The following SLC36A1 variants were observed in gnomAD, a reference collection of about 807,000 sequenced individuals.
SLC36A1 encodes the protein proton-coupled amino acid transporter 1.
Under a neutral mutation model 47.5 loss-of-function variants are expected in SLC36A1, and 30 were observed. That is an observed-to-expected ratio of 0.63 (90% CI 0.47 to 0.86). The LOEUF (loss-of-function observed/expected upper bound fraction) is 0.86, where lower values mean the gene tolerates loss of function less well. Among genes scored for constraint, SLC36A1 ranks in the 40% least tolerant of loss-of-function variants. The probability of loss-of-function intolerance (pLI) is 0.00; values close to 1 mark genes in which losing one functional copy is unlikely to be tolerated. For synonymous variants in SLC36A1, 255 were observed against 249.7 expected, an observed-to-expected ratio of 1.02 and a Z score of -0.20; for missense variants, 517 against 606.0, an observed-to-expected ratio of 0.85 and a Z score of 1.54.
the SLC36A1 span, among the ~76,000 whole-genome samples, chr5:151,383,382 C>T: frequency 2.7e-4 from 41 of 152,160 alleles, 2 homozygotes; most frequent in East Asian, 7.5e-3. Context: ...CTCATTAGTT[C>T]ACATTTGTCG....
At chr5:151,418,492 A>T in the SLC36A1 span, among the ~76,000 whole-genome samples, 1 of 152,180 alleles carries the variant, frequency 6.6e-6, no homozygotes, top group African/African-American at 2.4e-5. Context: ...TGAGAAATGG[A>T]GTCAAAGGCG....
the SLC36A1 span, chr5:151,546,171 G>A: frequency 2.5e-6 from 4 of 1,614,170 alleles, no homozygotes; most frequent in Admixed American, 5.0e-5. Context: ...TCCTATCTGA[G>A]GGATAGACAT....
the SLC36A1 span, among the ~76,000 whole-genome samples, chr5:151,404,543 A>G: frequency 3.1e-4 from 47 of 152,252 alleles, no homozygotes; most frequent in African/African-American, 1.0e-3. Context: ...TGTGGTAGCT[A>G]GTATCATTCT....
At chr5:151,442,983 C>CT (rs36126331), upstream of SLC36A1, among the ~76,000 whole-genome samples, 1 of 152,066 alleles carries the variant, frequency 6.6e-6, no homozygotes, top group Non-Finnish European at 1.5e-5. Context: ...GGACTCCTTT[C>CT]TTTTTTTAGA....
At chr5:151,528,046 G>A in the SLC36A1 span, 1 of 1,614,216 alleles carries the variant, frequency 6.2e-7, no homozygotes, top group Non-Finnish European at 8.5e-7. Context: ...TTTTTGGGGT[G>A]AATGGTGAAG....
At chr5:151,382,256 TG>T in the SLC36A1 span, 4 of 1,339,286 alleles carry the variant, frequency 3.0e-6, no homozygotes, top group Non-Finnish European at 3.2e-6. Flanking sequence ...ACTACCAGCC[TG>T]GGAGCTACAT....
chr5:151,467,205 T>G lies in SLC36A1; in HGVS notation c.426T>G (p.Val142=), dbSNP rs1171300668. Reference sequence around the variant, plus strand: ...CTTCCTTCCCCACCTCCAGACGTGTTGTGGACTTCTTCCTGATTGTCACCC... The same window carrying G: ...CTTCCTTCCCCACCTCCAGACGTGTGGTGGACTTCTTCCTGATTGTCACCC... The part of the protein sequence containing the change: ...LRNHAHWGRR[V]VDFFLIVTQL... Residue 142 remains valine (V), a synonymous_variant, in exon 6 of 11, where the codon GTT becomes GTG. Coordinates refer to ENST00000243389, the MANE Select transcript of SLC36A1 (RefSeq NM_078483.4). The G allele has an allele frequency of 3.1e-6, 5 of 1,610,542 alleles. No individual in the cohort carries two copies. Among genetic ancestry groups the G allele is most frequent in the Non-Finnish European group, 4.2e-6 (5 of 1,178,014 alleles).
chr5:151,460,127 A>T (rs1304671200), intron 2 of SLC36A1, among the ~76,000 whole-genome samples: 1 of 152,098 alleles, frequency 6.6e-6, no homozygotes, highest in African/African-American at 2.4e-5. Flanking sequence ...TCTTTCCTCC[A>T]ACCTTATCAG....
chr5:151,450,076 A>G (rs1481331385), intron 1 of SLC36A1, among the ~76,000 whole-genome samples: 1 of 152,090 alleles, frequency 6.6e-6, no homozygotes, highest in Non-Finnish European at 1.5e-5. Context: ...GCCGATGTCC[A>G]CTTACTGGCA....
chr5:151,543,011 C>G, the SLC36A1 span: 436 of 1,614,252 alleles, frequency 2.7e-4, 6 homozygotes, highest in South Asian at 4.4e-3. Context: ...TCAGACCCCT[C>G]TGGAAGGTCT....
the SLC36A1 span, among the ~76,000 whole-genome samples, chr5:151,518,232 A>G: frequency 6.6e-6 from 1 of 151,924 alleles, no homozygotes; most frequent in African/African-American, 2.4e-5. Flanking sequence ...AGTTACTTGG[A>G]ATTACATCCT....
intron 5 of SLC36A1, among the ~76,000 whole-genome samples, chr5:151,466,307 A>G (rs542672447): frequency 3.0e-4 from 46 of 152,364 alleles, no homozygotes; most frequent in Middle Eastern, 3.4e-3. Flanking sequence ...AATTTTGGTC[A>G]CAGTTGCATG....
At chr5:151,439,652 C>CAAAAAAAAAAGAAAAGAA (rs1388450763) in intron 1 of SLC36A1, among the ~76,000 whole-genome samples, 2 of 103,500 alleles carry the variant, frequency 1.9e-5, no homozygotes, top group East Asian at 2.7e-4. Flanking sequence ...GACTCCATCT[C>CAAAAAAAAAAGAAAAGAA]AAAAAAAAAA....
the SLC36A1 span, among the ~76,000 whole-genome samples, chr5:151,423,534 C>A: frequency 6.6e-6 from 1 of 152,186 alleles, no homozygotes; most frequent in Non-Finnish European, 1.5e-5. Flanking sequence ...AGAAACCAAT[C>A]TGAAAAGGCT....
At chr5:151,485,366 G>A (rs942824703) in intron 10 of SLC36A1, among the ~76,000 whole-genome samples, 4 of 152,196 alleles carry the variant, frequency 2.6e-5, no homozygotes, top group Non-Finnish European at 5.9e-5. Context: ...CCTTGTACCC[G>A]TTTGCTGTCA....
At chr5:151,469,085 C>T (rs1241837531) in intron 7 of SLC36A1, among the ~76,000 whole-genome samples, 1 of 127,818 alleles carries the variant, frequency 7.8e-6, no homozygotes, top group Non-Finnish European at 1.7e-5. Flanking sequence ...TAAATAAAAG[C>T]ATAACTTAAA....
chr5:151,399,084 A>ATATAT, the SLC36A1 span, among the ~76,000 whole-genome samples: 20 of 60,036 alleles, frequency 3.3e-4, no homozygotes, highest in African/African-American at 1.1e-3. Flanking sequence ...ATATATATAT[A>ATATAT]TTTTTTTTTT....
Position 151,491,896 on chromosome 5 carries a change from T to G in SLC36A1, c.*3642T>G, listed in dbSNP as rs1048253814. Reference sequence around the variant, plus strand: ...GTCTTTGAAATTACGGTTAATACTTTTAGACAGTAAGTCCGGCTGGTTGCA... The same window carrying G: ...GTCTTTGAAATTACGGTTAATACTTGTAGACAGTAAGTCCGGCTGGTTGCA... On this transcript the variant is annotated 3_prime_UTR_variant, in exon 11 of 11. Coordinates refer to ENST00000243389, the MANE Select transcript of SLC36A1 (RefSeq NM_078483.4). 1.3e-5 allele frequency: 2 copies of G among 152,274 alleles called. No homozygotes were observed. The highest frequency in any genetic ancestry group is 2.9e-5 in the Non-Finnish European group (2 of 68,054). The allele number at this position is 152,274 out of a possible 1,614,324, so 9.4% of individuals were successfully genotyped here.
At chr5:151,382,308 C>A in the SLC36A1 span, 1 of 1,111,120 alleles carries the variant, frequency 9.0e-7, no homozygotes. Context: ...CCTGCACAGT[C>A]GCCTCAGCAG....
Sources: gnomAD v4.1 joint callset for allele counts (sites outside exome capture counted in the v4.1 genomes callset) on GRCh38, gnomAD v4.1.1 for gene constraint, MANE v1.5 for transcripts, NCBI Gene and HGNC (gene_info 2026-07-23, HGNC 2026-07-21) for gene names.